PIKFYVE: variants seen among roughly 807,000 people sequenced by gnomAD.
PIKFYVE encodes the protein 1-phosphatidylinositol 3-phosphate 5-kinase.
In PIKFYVE, 122 loss-of-function variants were observed where a neutral mutation model predicts 257.9. The observed-to-expected ratio is 0.47, with a 90% confidence interval of 0.41 to 0.55. The LOEUF is 0.55. Ranked by LOEUF, PIKFYVE falls within the 20% of genes least tolerant of loss-of-function variation. The pLI, the probability that PIKFYVE is intolerant of heterozygous loss-of-function variation, is 0.00. For synonymous variants in PIKFYVE, 892 were observed against 868.9 expected (o/e 1.03, Z -0.47); for missense variants, 2,160 against 2,536.6 (o/e 0.85, Z 3.19).
At chr2:208,324,006 A>G in intron 17 of PIKFYVE, 136 bp from the exon 18 acceptor site, 1 of 812,038 alleles carries the variant, frequency 1.2e-6, no homozygotes, top group Admixed American at 2.0e-5. Flanking sequence ...GATTCTGGAT[A>G]TTAGCCCTTT....
At chr2:208,355,108 T>A in intron 41 of PIKFYVE, 82 bp from the exon 42 acceptor site, 1 of 1,061,942 alleles carries the variant, frequency 9.4e-7, no homozygotes, top group Non-Finnish European at 1.4e-6. Flanking sequence ...GCAGTTTATA[T>A]GAAAGAACAT....
In PIKFYVE at chr2:208,335,803, G is replaced by A. The variant is rs1376417891; in HGVS notation, c.4267G>A (p.Val1423Ile). ...TCTCGCTATTGTTAGAGTTTCACAG[G>A]TATATGTTGCCATTGATGAAAGACT... ...LKDFFQKVSQ[V>I]YVAIDERLAS... The change falls in exon 26 of 42, where the codon GTA (valine) becomes ATA (isoleucine). Residue 1423 changes from valine to isoleucine, a missense_variant. By Grantham distance (29) the Val-to-Ile change is conservative (BLOSUM62 3). Around this residue, in one of 12 missense-constraint regions of PIKFYVE, gnomAD observed 699 missense variants for 855.8 expected, o/e 0.82. Coordinates refer to ENST00000264380, the MANE Select transcript of PIKFYVE (RefSeq NM_015040.4). 5 of 1,610,360 alleles carry A rather than the reference G, an allele frequency of 3.1e-6. No homozygotes were observed. Among genetic ancestry groups the A allele is most frequent in the Non-Finnish European group, 4.2e-6 (5 of 1,177,076 alleles).
intron 23 of PIKFYVE, among the ~76,000 whole-genome samples, chr2:208,332,674 G>A (rs190323969): frequency 6.6e-6 from 1 of 152,136 alleles, no homozygotes; most frequent in Admixed American, 6.5e-5. Flanking sequence ...ATATTGCTAA[G>A]TAAAAGATTA....
chr2:208,280,548 G>A (rs890800758), intron 5 of PIKFYVE, among the ~76,000 whole-genome samples: 3 of 152,130 alleles, frequency 2.0e-5, no homozygotes, highest in Non-Finnish European at 2.9e-5. Flanking sequence ...GTGTCCAGTC[G>A]CCTTGGTAAA....
Position 208,346,107 on chromosome 2 carries a change from A to G in PIKFYVE, c.5169A>G (p.Gly1723=), listed in dbSNP as rs944878664. 6.2e-7 allele frequency: 1 copy of G among 1,613,372 alleles called. No individual in the cohort carries two copies. The highest frequency in any genetic ancestry group is 8.5e-7 in the Non-Finnish European group (1 of 1,179,472). The change falls in exon 34 of 42, where the codon GGA becomes GGG. Residue 1723 remains glycine, a synonymous_variant. Transcript: ENST00000264380. ...SSPIRLPEMS[G]GQTNRTTETE... is the part of the protein sequence containing the mutation. ...CTATCAGATTACCTGAAATGAGTGG[A>G]GGACAGACAAATCGTACAACAGAAA...
chr2:208,289,662 C>A (rs879569156), intron 7 of PIKFYVE, among the ~76,000 whole-genome samples: 45 of 152,234 alleles, frequency 3.0e-4, no homozygotes, highest in Admixed American at 7.8e-4. Context: ...GATCTCCTGA[C>A]CTCATGATCC....
intron 41 of PIKFYVE, 22 bp from the exon 42 acceptor site, chr2:208,355,168 C>T: frequency 6.3e-7 from 1 of 1,580,802 alleles, no homozygotes; most frequent in Middle Eastern, 1.7e-4. Context: ...CTTTTTCCCC[C>T]TTTTCTCTTT....
intron 39 of PIKFYVE, among the ~76,000 whole-genome samples, chr2:208,353,390 T>A (rs1699941788): frequency 6.6e-6 from 1 of 152,234 alleles, no homozygotes; most frequent in African/African-American, 2.4e-5. Flanking sequence ...TACTACAGGT[T>A]GTACTGGTCC....
Position 208,304,954 on chromosome 2 carries a change from T to A in PIKFYVE, c.1577T>A (p.Phe526Tyr). 6.2e-7 allele frequency: 1 copy of A among 1,614,010 alleles called. No homozygotes were observed. Among genetic ancestry groups the A allele is most frequent in the Middle Eastern group, 1.6e-4 (1 of 6,062 alleles). The change falls in exon 12 of 42, where the codon TTC becomes TAC. Residue 526 changes from phenylalanine (F) to tyrosine (Y), a missense_variant. Around this residue, in one of 12 missense-constraint regions of PIKFYVE, gnomAD observed 346 missense variants for 365.6 expected, o/e 0.95. Coordinates refer to ENST00000264380, the MANE Select transcript of PIKFYVE (RefSeq NM_015040.4). Reference sequence around the variant, plus strand: ...AACGTGGAGCTGGACAACGTGAACTTCCATATCAAGAAGCCCTCCAAGTAC... The same window carrying A: ...AACGTGGAGCTGGACAACGTGAACTACCATATCAAGAAGCCCTCCAAGTAC... ...SLNVELDNVN[F>Y]HIKKPSKYPH...
At chr2:208,321,258 A>T (rs542339035) in intron 17 of PIKFYVE, among the ~76,000 whole-genome samples, 1 of 152,350 alleles carries the variant, frequency 6.6e-6, no homozygotes, top group Admixed American at 6.5e-5. Flanking sequence ...GGAAACACTT[A>T]TGCTGGGTTC....
chr2:208,267,795 C>A (rs954493338), intron 1 of PIKFYVE, among the ~76,000 whole-genome samples: 12 of 152,002 alleles, frequency 7.9e-5, no homozygotes, highest in Non-Finnish European at 1.6e-4. Flanking sequence ...GCGTGAGCCA[C>A]CGGGCGGGGG....
chr2:208,324,768 G>C (rs1696718157), intron 18 of PIKFYVE, 143 bp from the exon 19 acceptor site: 1 of 1,006,004 alleles, frequency 9.9e-7, no homozygotes, highest in Non-Finnish European at 1.5e-6. Flanking sequence ...GAAGAATCCA[G>C]AATAAAAAAA....
chr2:208,351,055 T>C (rs1160342760), intron 37 of PIKFYVE, 108 bp downstream of exon 37: 6 of 1,399,624 alleles, frequency 4.3e-6, no homozygotes, highest in Non-Finnish European at 6.0e-6. Context: ...TAACTATGAC[T>C]TACTAGTTTT....
intron 32 of PIKFYVE, among the ~76,000 whole-genome samples, chr2:208,344,093 C>T (rs1698999138): frequency 6.6e-6 from 1 of 152,102 alleles, no homozygotes; most frequent in South Asian, 2.1e-4. Flanking sequence ...GCCGGGCTTA[C>T]AGGCGTGAGC....
intron 23 of PIKFYVE, among the ~76,000 whole-genome samples, chr2:208,331,079 A>G (rs10186531): frequency 0.93 from 141,534 of 152,182 alleles, 66,340 homozygotes; most frequent in Non-Finnish European, 0.98. Context: ...GGGAGGAGAC[A>G]GACTTGTAAA....
chr2:208,267,326 G>A (rs1283870093), intron 1 of PIKFYVE, among the ~76,000 whole-genome samples: 1 of 152,084 alleles, frequency 6.6e-6, no homozygotes, highest in Non-Finnish European at 1.5e-5. Flanking sequence ...CAAAGATTGT[G>A]TAGGTTAAAT....
rs562710176 is a variant in PIKFYVE at position 208,311,860 on chromosome 2, A to T, written c.1637-376A>T. On this transcript the variant is annotated intron_variant, in intron 12 of 41. Coordinates refer to ENST00000264380, the MANE Select transcript of PIKFYVE (RefSeq NM_015040.4). ...GCATAGGCAAAGTGATTATTTGTTA[A>T]ATCATCAAGTTACATGTGAAAAGAA... 6.9e-4 allele frequency among the ~76,000 whole-genome samples: 105 copies of T among 152,322 alleles called. 1 individual carries two copies. Among genetic ancestry groups the T allele is most frequent in the Middle Eastern group, 3.4e-3 (1 of 294 alleles).
rs1465416641 is a variant in PIKFYVE at position 208,312,241 on chromosome 2, T to A, written c.1642T>A (p.Leu548Met). 6.2e-7 allele frequency: 1 copy of A among 1,610,824 alleles called. No individual in the cohort carries two copies. The highest frequency in any genetic ancestry group is 8.5e-7 in the Non-Finnish European group (1 of 1,177,552). The change falls in exon 13 of 42, where the codon TTG becomes ATG. Residue 548 changes from leucine to methionine, a missense_variant. Leu to Met is a conservative substitution (Grantham distance 15). This residue lies in a region of PIKFYVE where 346 missense variants were observed against 365.6 expected (regional missense o/e 0.95). Coordinates refer to ENST00000264380, the MANE Select transcript of PIKFYVE (RefSeq NM_015040.4). Reference sequence around the variant, plus strand: ...GTTGTCTCCCTGGTATGCAGAGTATTTGATTTCTGACACTGGAGGACAACA... The same window carrying A: ...GTTGTCTCCCTGGTATGCAGAGTATATGATTTCTGACACTGGAGGACAACA... Reference protein sequence around the residue: ...PPHPADQKEYLISDTGGQQLS... With the variant: ...PPHPADQKEYMISDTGGQQLS...
intron 15 of PIKFYVE, among the ~76,000 whole-genome samples, chr2:208,317,430 A>ATT (rs11387246): frequency 3.1e-4 from 46 of 150,552 alleles, no homozygotes; most frequent in Non-Finnish European, 4.7e-4. Flanking sequence ...CCACAATGCG[A>ATT]TTTTTTTTTT....
Sources: allele counts gnomAD v4.1 joint callset (sites outside exome capture counted in the v4.1 genomes callset), GRCh38; gene constraint gnomAD v4.1.1; regional missense constraint gnomAD v4.1.1; transcripts MANE v1.5; gene names NCBI Gene and HGNC (gene_info 2026-07-23, HGNC 2026-07-21).